DLC1: variants seen among roughly 807,000 people sequenced by gnomAD.
The protein encoded by DLC1 is rho GTPase-activating protein 7.
DLC1 carries 54 observed loss-of-function variants against 140.3 expected under a neutral mutation model. The observed-to-expected ratio is 0.38, with a 90% CI of 0.31 to 0.48. The LOEUF (loss-of-function observed/expected upper bound fraction) is 0.48. Among genes scored for constraint, DLC1 ranks in the 20% least tolerant of loss-of-function variants. DLC1 has a pLI of 0.96. For synonymous variants in DLC1, 986 were observed against 728.1 expected (o/e 1.35, Z -5.70); for missense variants, 2,536 against 1,907.0 (o/e 1.33, Z -6.14).
At chr8:13,224,584 G>C (rs1404659809) in intron 5 of DLC1, among the ~76,000 whole-genome samples, 1 of 152,168 alleles carries the variant, frequency 6.6e-6, no homozygotes, top group South Asian at 2.1e-4. Flanking sequence ...AGCCCTAAGG[G>C]GTGGTCAAAG....
chr8:13,322,088 T>G (rs1833150415), intron 4 of DLC1, among the ~76,000 whole-genome samples: 1 of 152,188 alleles, frequency 6.6e-6, no homozygotes, highest in African/African-American at 2.4e-5. Flanking sequence ...GTGTTTTACA[T>G]GTACTTTTAA....
intron 4 of DLC1, among the ~76,000 whole-genome samples, chr8:13,338,232 T>G (rs1454937): frequency 6.6e-6 from 1 of 152,142 alleles, no homozygotes; most frequent in African/African-American, 2.4e-5. Context: ...CAGTCACAGG[T>G]TTGTGGGAAA....
chr8:13,133,271 C>G lies in DLC1; in HGVS notation c.1349-17614G>C, dbSNP rs1368080700. The G allele has an allele frequency of 5.1e-5, 67 of 1,326,336 alleles. No individual in the cohort carries two copies. In the East Asian group the frequency reaches 1.1e-3, roughly 21 times the overall value. The allele number at this position is 1,326,336 out of a possible 1,614,324, so 82.2% of individuals were successfully genotyped here. A position where few individuals can be genotyped will look rare whatever the true frequency, so the allele number is the denominator to read the frequency against. On this transcript the variant is annotated intron_variant, in intron 5 of 17. Coordinates refer to ENST00000276297, the MANE Select transcript of DLC1 (RefSeq NM_182643.3). ...TGGCTGGGAGCGAAGCGCCCTCGCT[C>G]GGGCAGTCGGAGCGAACTGTCTCCC...
At chr8:13,551,406 ATC>A (rs1803846813) in intron 1 of DLC1, among the ~76,000 whole-genome samples, 1 of 152,018 alleles carries the variant, frequency 6.6e-6, no homozygotes, top group South Asian at 2.1e-4. Context: ...GAATTTCCAT[ATC>A]TCTGTTTCCT....
intron 4 of DLC1, among the ~76,000 whole-genome samples, chr8:13,327,765 T>A (rs545336081): frequency 3.1e-4 from 47 of 152,362 alleles, no homozygotes; most frequent in African/African-American, 9.6e-4. Flanking sequence ...TCTCTGGCCT[T>A]ATGAAGCTCA....
chr8:13,128,759 C>G (rs890702721), intron 5 of DLC1, among the ~76,000 whole-genome samples: 3 of 151,382 alleles, frequency 2.0e-5, no homozygotes, highest in Admixed American at 2.0e-4. Flanking sequence ...GGCGTGAACC[C>G]GGGAGGCGGA....
chr8:13,120,560 T>C (rs1820976140), intron 5 of DLC1, among the ~76,000 whole-genome samples: 1 of 151,652 alleles, frequency 6.6e-6, no homozygotes, highest in Admixed American at 6.6e-5. Flanking sequence ...GGTGGTGATG[T>C]GAAAATTACG....
At chr8:13,427,623 C>G (rs1358771076) in intron 2 of DLC1, among the ~76,000 whole-genome samples, 1 of 152,098 alleles carries the variant, frequency 6.6e-6, no homozygotes, top group Non-Finnish European at 1.5e-5. Context: ...AATTGGTCCC[C>G]CTCTCTCTGT....
chr8:13,403,091 C>G (rs1286031488), intron 2 of DLC1, among the ~76,000 whole-genome samples: 1 of 152,202 alleles, frequency 6.6e-6, no homozygotes, highest in African/African-American at 2.4e-5. Flanking sequence ...TTCACAAAGA[C>G]AGATTAATTT....
At chr8:13,568,143 G>A in intron 1 of DLC1, 1 of 626,208 alleles carries the variant, frequency 1.6e-6, no homozygotes, top group East Asian at 3.1e-5. Flanking sequence ...AATTCCAAGA[G>A]AACTATGTTG....
intron 4 of DLC1, among the ~76,000 whole-genome samples, chr8:13,362,394 G>A (rs1160031446): frequency 6.6e-6 from 1 of 152,126 alleles, no homozygotes; most frequent in Non-Finnish European, 1.5e-5. Context: ...ACATTTGTCT[G>A]GTTGCAGTTA....
At chr8:13,267,722 C>G (rs1245804491) in intron 5 of DLC1, among the ~76,000 whole-genome samples, 1 of 133,770 alleles carries the variant, frequency 7.5e-6, no homozygotes, top group African/African-American at 2.9e-5. Context: ...TCATGTGATT[C>G]CTGAGGAGTG....
chr8:13,256,473 A>C (rs1830232674), intron 5 of DLC1, among the ~76,000 whole-genome samples: 1 of 152,330 alleles, frequency 6.6e-6, no homozygotes, highest in Admixed American at 6.5e-5. Context: ...AACCAACTCA[A>C]ATGTCCATCA....
chr8:13,371,981 A>G (rs1276588092), intron 4 of DLC1, among the ~76,000 whole-genome samples: 14 of 152,140 alleles, frequency 9.2e-5, no homozygotes, highest in Non-Finnish European at 1.0e-4. Flanking sequence ...TGGCTCTATA[A>G]TGGTACCTTC....
At chr8:13,434,980 C>G (rs957356973) in intron 2 of DLC1, among the ~76,000 whole-genome samples, 1 of 152,020 alleles carries the variant, frequency 6.6e-6, no homozygotes, top group Non-Finnish European at 1.5e-5. Context: ...CCGGCTCACC[C>G]TCAAGCCTTA....
rs1263343849 is a variant in DLC1 at position 13,527,348 on chromosome 8, G to A, written c.-125-27152C>T. On this transcript the variant is annotated intron_variant, in intron 1 of 1. Transcript: ENST00000631382. ...CAATATGATTTTTCTCTTTTAGTCA[G>A]CATGAAGCTTTTTTGTCTTTTCTAG... Among the ~76,000 whole-genome samples, 3 of 152,182 alleles carry A rather than the reference G, an allele frequency of 2.0e-5. No homozygotes were observed. The East Asian group carries it at 5.8e-4, about 29-fold the overall frequency.
At chr8:13,114,448 G>C (rs575562580) in intron 6 of DLC1, among the ~76,000 whole-genome samples, 1 of 152,214 alleles carries the variant, frequency 6.6e-6, no homozygotes, top group Non-Finnish European at 1.5e-5. Flanking sequence ...GAAGCTGAGA[G>C]AATGACCTCA....
At chr8:13,169,854 A>G (rs2116919918) in intron 5 of DLC1, among the ~76,000 whole-genome samples, 1 of 146,016 alleles carries the variant, frequency 6.8e-6, no homozygotes, top group East Asian at 1.9e-4. Context: ...GAAATACCTC[A>G]TCTAAAAAAA....
intron 5 of DLC1, among the ~76,000 whole-genome samples, chr8:13,170,727 C>T (rs1412905367): frequency 8.8e-6 from 1 of 113,894 alleles, no homozygotes; most frequent in Admixed American, 9.3e-5. Context: ...AAGACTCCAT[C>T]TCAAAAAAAA....
Sources: gnomAD v4.1 joint callset for allele counts (sites outside exome capture counted in the v4.1 genomes callset) on GRCh38, gnomAD v4.1.1 for gene constraint, MANE v1.5 for transcripts, NCBI Gene and HGNC (gene_info 2026-07-23, HGNC 2026-07-21) for gene names.